Variants in HMGA1 observed in about 807,000 individuals in gnomAD.
The protein encoded by HMGA1 is high mobility group protein HMG-I/HMG-Y.
A neutral mutation model predicts 15.1 loss-of-function variants in HMGA1; 1 was observed. The observed-to-expected ratio is 0.07, with a 90% CI of 0.02 to 0.31. HMGA1 has a LOEUF of 0.31. Among genes scored for constraint, HMGA1 ranks in the 10% least tolerant of loss-of-function variants. The probability of loss-of-function intolerance (pLI) is 1.00; values close to 1 mark genes in which losing one functional copy is unlikely to be tolerated. For missense variants in HMGA1, 94 were observed against 141.4 expected (o/e 0.66, Z 1.70); for synonymous variants, 56 against 54.8 (o/e 1.02, Z -0.10).
chr6:34,242,891 G>A (rs755000684), intron 4 of HMGA1, 96 bp downstream of exon 4: 490 of 887,916 alleles, frequency 5.5e-4, no homozygotes, highest in Non-Finnish European at 8.3e-4. Context: ...CTGGGAAGGG[G>A]CTCAGTCATC....
rs372831894 is a variant in HMGA1, at chr6:34,244,845, G to A, written c.285G>A (p.Glu95=). 51 of 1,572,238 alleles carry A rather than the reference G, an allele frequency of 3.2e-5. No individual in the cohort carries two copies. Among genetic ancestry groups the A allele is most frequent in the Non-Finnish European group, 4.3e-5 (50 of 1,159,184 alleles). Residue 95 remains glutamate (E), a synonymous_variant, in exon 6 of 6, where the codon GAG becomes GAA. Transcript: ENST00000311487. ...GRPKKLEKEE[E]EGISQESSEE... ...CCACCTCACAGGAGAAGGAGGAAGA[G>A]GAGGGCATCTCGCAGGAGTCCTCGG...
intron 2 of HMGA1, 97 bp from the exon 3 acceptor site, chr6:34,240,638 GCA>G (rs1343682817): frequency 4.1e-6 from 4 of 975,000 alleles, no homozygotes; most frequent in Non-Finnish European, 6.4e-6. Flanking sequence ...GCCCATGGGA[GCA>G]CAGTTTTCTG....
intron 5 of HMGA1, among the ~76,000 whole-genome samples, 155 bp from the exon 6 acceptor site, chr6:34,244,676 C>T (rs772400322): frequency 3.9e-5 from 6 of 152,018 alleles, no homozygotes; most frequent in African/African-American, 7.3e-5. Flanking sequence ...TGAATGAAGC[C>T]GGGCCGTGGA....
chr6:34,238,289 C>T (rs1761990407), intron 2 of HMGA1, among the ~76,000 whole-genome samples: 2 of 152,090 alleles, frequency 1.3e-5, no homozygotes, highest in African/African-American at 4.8e-5. Context: ...TCCCGCCGGC[C>T]GGCCTGCAAC....
chr6:34,243,091 G>C (rs1762432336), intron 4 of HMGA1, among the ~76,000 whole-genome samples: 1 of 152,178 alleles, frequency 6.6e-6, no homozygotes, highest in Admixed American at 6.5e-5. Flanking sequence ...GAGGGTCCCT[G>C]CCAGTCCCTG....
In HMGA1 at chr6:34,245,630, C is replaced by G; in HGVS notation, c.*746C>G. 1 of 1,378,684 alleles carries G rather than the reference C, an allele frequency of 7.3e-7. No homozygotes were observed. The highest frequency in any genetic ancestry group is 1.2e-5 in the South Asian group (1 of 81,324). 85.4% of individuals were successfully genotyped at this position (1,378,684 alleles called of 1,614,324 possible). ...TATTGTGGTGATGGAGATGCAGTCA[C>G]TTATTGTCCAGGTGAGGCCCAAGAG... On this transcript the variant is annotated 3_prime_UTR_variant, in exon 6 of 6. Coordinates refer to ENST00000311487, the MANE Select transcript of HMGA1 (RefSeq NM_145899.3).
At chr6:34,241,118 C>G (rs1425102719) in intron 3 of HMGA1, among the ~76,000 whole-genome samples, 1 of 152,120 alleles carries the variant, frequency 6.6e-6, no homozygotes, top group Non-Finnish European at 1.5e-5. Context: ...CAGGAGAGAA[C>G]CGGGGGCCGA....
At position 34,242,749 on chromosome 6, in the gene HMGA1, G is replaced by T; in HGVS notation, c.173G>T (p.Arg58Leu). ...PSEVPTPKRPRGRPKGSKNKG... is the reference protein window; with the variant it reads ...PSEVPTPKRPLGRPKGSKNKG... ...GAAGTGCCAACACCTAAGAGACCTC[G>T]GGGCCGACCAAAGGGAAGCAAAAAC... The change falls in exon 4 of 6, where the codon CGG becomes CTG. Residue 58 changes from arginine to leucine, a missense_variant. Physicochemically the swap from Arg to Leu is moderately radical, Grantham distance 102. Coordinates refer to ENST00000311487, the MANE Select transcript of HMGA1 (RefSeq NM_145899.3). The T allele has an allele frequency of 6.3e-7, 1 of 1,593,190 alleles. No individual in the cohort carries two copies.
rs1208683436 is a variant in HMGA1 at position 34,245,862 on chromosome 6, GTTGTT to G, written c.*981_*985del. On this transcript the variant is annotated 3_prime_UTR_variant, in exon 6 of 6. Transcript: ENST00000311487. Reference sequence around the variant, plus strand: ...TCACAAACTACCTCTGGACAGTTGTGTTGTTTTTTGTTCAATGTTCCATTCTTCGA... The same window carrying G: ...TCACAAACTACCTCTGGACAGTTGTGTTTTGTTCAATGTTCCATTCTTCGA... The G allele has an allele frequency of 1.8e-5, 6 of 340,494 alleles. No homozygotes were observed. The allele number at this position is 340,494 out of a possible 1,614,324, so 21.1% of individuals were successfully genotyped here.
intron 2 of HMGA1, among the ~76,000 whole-genome samples, chr6:34,239,407 C>T (rs1194436758): frequency 3.3e-5 from 5 of 152,146 alleles, no homozygotes; most frequent in Admixed American, 3.3e-4. Context: ...CCTCACCTGG[C>T]CCATAAATCA....
chr6:34,244,840 G>C lies in HMGA1; in HGVS notation c.280G>C (p.Glu94Gln). The change falls in exon 6 of 6, where the codon GAA becomes CAA. Residue 94 changes from glutamate to glutamine, a missense_variant. Coordinates refer to ENST00000311487, the MANE Select transcript of HMGA1 (RefSeq NM_145899.3). ...RGRPKKLEKE[E>Q]EEGISQESSE... The stretch of plus-strand genomic sequence containing the variant: ...ACTGCCCACCTCACAGGAGAAGGAG[G>C]AAGAGGAGGGCATCTCGCAGGAGTC... 1 of 1,572,062 alleles carries C rather than the reference G, an allele frequency of 6.4e-7. No individual in the cohort carries two copies. The highest frequency in any genetic ancestry group is 8.6e-7 in the Non-Finnish European group (1 of 1,158,962).
intron 2 of HMGA1, among the ~76,000 whole-genome samples, chr6:34,238,218 C>T (rs915908465): frequency 1.3e-5 from 2 of 152,012 alleles, no homozygotes; most frequent in Non-Finnish European, 2.9e-5. Context: ...TCGGGGTGCG[C>T]TGCTTTCCCG....
chr6:34,244,614 G>A (rs1581813089), intron 5 of HMGA1, among the ~76,000 whole-genome samples: 1 of 152,184 alleles, frequency 6.6e-6, no homozygotes, highest in African/African-American at 2.4e-5. Context: ...TCCTGGCTCT[G>A]GGTGAGAGCA....
At chr6:34,239,155 C>T (rs969759469) in intron 2 of HMGA1, among the ~76,000 whole-genome samples, 4 of 152,172 alleles carry the variant, frequency 2.6e-5, no homozygotes, top group East Asian at 1.9e-4. Context: ...TACCAAAGTC[C>T]TGCTGTCTGG....
At chr6:34,244,386 C>T (rs1356486347) in intron 5 of HMGA1, among the ~76,000 whole-genome samples, 1 of 152,122 alleles carries the variant, frequency 6.6e-6, no homozygotes, top group Non-Finnish European at 1.5e-5. Flanking sequence ...CAGGGCACCA[C>T]AGCACAGCAT....
intron 2 of HMGA1, among the ~76,000 whole-genome samples, chr6:34,240,161 C>CCACA (rs1378105895): frequency 6.6e-6 from 1 of 152,190 alleles, no homozygotes; most frequent in Non-Finnish European, 1.5e-5. Flanking sequence ...GTGGTGGGCA[C>CCACA]CACCCCTGGC....
chr6:34,240,628 G>A (rs760247221), intron 2 of HMGA1, 109 bp from the exon 3 acceptor site: 1 of 872,784 alleles, frequency 1.1e-6, no homozygotes, highest in Non-Finnish European at 1.8e-6. Flanking sequence ...AGGCCTGGGG[G>A]CCCATGGGAG....
chr6:34,240,612 A>C, intron 2 of HMGA1, 125 bp from the exon 3 acceptor site: 1 of 775,262 alleles, frequency 1.3e-6, no homozygotes. Context: ...TCCTGGGCAG[A>C]GTAGGAGGCC....
Position 34,245,407 on chromosome 6 carries a change from G to C in HMGA1, c.*523G>C, listed in dbSNP as rs1762665491. ...GCAGGTGTGGCCAATGGAGGGGGGT[G>C]CTGGCCCCCAGGATTCCCCCAGCCA... On this transcript the variant is annotated 3_prime_UTR_variant, in exon 6 of 6. Transcript: ENST00000311487. 7.4e-7 allele frequency: 1 copy of C among 1,358,336 alleles called. No individual in the cohort carries two copies. The highest frequency in any genetic ancestry group is 9.7e-7 in the Non-Finnish European group (1 of 1,031,818). The allele number at this position is 1,358,336 out of a possible 1,614,324, so 84.1% of individuals were successfully genotyped here.
Sources: allele counts gnomAD v4.1 joint callset (sites outside exome capture counted in the v4.1 genomes callset), GRCh38; gene constraint gnomAD v4.1.1; transcripts MANE v1.5; gene names NCBI Gene and HGNC (gene_info 2026-07-23, HGNC 2026-07-21).